The following NLN variants were observed in gnomAD, a reference collection of about 807,000 sequenced individuals.
NLN encodes the protein neurolysin.
Under a neutral mutation model 79.9 loss-of-function variants are expected in NLN, and 64 were observed. That is an observed-to-expected ratio of 0.80 (90% confidence interval 0.65 to 0.99). The LOEUF is 0.99. NLN is among the 50% of genes least tolerant of loss of function. The pLI, the probability that NLN is intolerant of heterozygous loss-of-function variation, is 0.00. For missense variants in NLN, 835 were observed against 858.7 expected, an observed-to-expected ratio of 0.97 and a Z score of 0.34; for synonymous variants, 267 against 296.6, an observed-to-expected ratio of 0.90 and a Z score of 1.02.
intron 1 of NLN, among the ~76,000 whole-genome samples, chr5:65,753,664 A>T (rs1023865010): frequency 1.3e-5 from 2 of 151,958 alleles, no homozygotes; most frequent in African/African-American, 4.8e-5. Context: ...AAAAAAAAAA[A>T]ACCTGAATAT....
intron 3 of NLN, among the ~76,000 whole-genome samples, chr5:65,774,729 A>AT (rs68122704): frequency 2.8e-4 from 38 of 135,602 alleles, no homozygotes; most frequent in East Asian, 6.1e-4. Context: ...ATATATATAT[A>AT]TTTTTTTTTT....
intron 3 of NLN, among the ~76,000 whole-genome samples, chr5:65,765,523 A>T (rs1474668321): frequency 6.6e-6 from 1 of 152,058 alleles, no homozygotes; most frequent in Non-Finnish European, 1.5e-5. Flanking sequence ...CATCTCAAAA[A>T]AATAAAAAAT....
rs1760840435 is a variant in NLN, at chr5:65,823,261, T to C, written c.*346T>C. On this transcript the variant is annotated 3_prime_UTR_variant, in exon 13 of 13. Transcript: ENST00000380985. ...TTTAAATTGAATCATATATATGATA[T>C]AATTTGATCCTTCTTGTATCTTGAA... The C allele has an allele frequency of 1.2e-5, 2 of 173,688 alleles. No individual in the cohort carries two copies. The highest frequency in any genetic ancestry group is 2.9e-4 in the South Asian group (2 of 6,822). The allele number at this position is 173,688 out of a possible 1,614,324, so 10.8% of individuals were successfully genotyped here.
intron 9 of NLN, among the ~76,000 whole-genome samples, chr5:65,802,889 C>A (rs1760320265): frequency 6.6e-6 from 1 of 152,122 alleles, no homozygotes; most frequent in African/African-American, 2.4e-5. Flanking sequence ...CTCTCCGCAG[C>A]TGGTTTGTCC....
chr5:65,790,130 C>A (rs146548508), intron 8 of NLN, among the ~76,000 whole-genome samples: 143 of 152,304 alleles, frequency 9.4e-4, no homozygotes, highest in African/African-American at 3.3e-3. Context: ...TCTTTCTCCC[C>A]AGGCTACTTT....
At chr5:65,733,307 T>A in intron 1 of NLN, 1 of 1,514,652 alleles carries the variant, frequency 6.6e-7, no homozygotes. Flanking sequence ...TAAAGGACTG[T>A]CAGATCCAGG....
At chr5:65,744,984 T>G (rs1452822723) in intron 1 of NLN, among the ~76,000 whole-genome samples, 1 of 152,254 alleles carries the variant, frequency 6.6e-6, no homozygotes, top group Admixed American at 6.5e-5. Flanking sequence ...GGGAGTACAC[T>G]GTTTCCAAGT....
At chr5:65,784,211 T>G (rs1483890153) in intron 6 of NLN, among the ~76,000 whole-genome samples, 1 of 152,166 alleles carries the variant, frequency 6.6e-6, no homozygotes, top group Non-Finnish European at 1.5e-5. Context: ...CAGTTTTTTC[T>G]TTTACTTTAA....
intron 1 of NLN, among the ~76,000 whole-genome samples, chr5:65,731,334 A>G (rs181063080): frequency 1.9e-3 from 287 of 152,368 alleles, no homozygotes; most frequent in African/African-American, 6.2e-3. Context: ...CTATCTCTTG[A>G]TGGGTAGAAC....
intron 9 of NLN, among the ~76,000 whole-genome samples, chr5:65,795,353 A>T (rs1760153506): frequency 6.6e-6 from 1 of 151,972 alleles, no homozygotes; most frequent in Non-Finnish European, 1.5e-5. Flanking sequence ...GTGCCATTGC[A>T]CTCCAGCCTG....
chr5:65,787,116 T>C (rs1759941867), intron 7 of NLN, among the ~76,000 whole-genome samples: 1 of 152,100 alleles, frequency 6.6e-6, no homozygotes, highest in Non-Finnish European at 1.5e-5. Context: ...AATTTGAGAT[T>C]GGCATATTCC....
In NLN at chr5:65,758,734, A is replaced by G; in HGVS notation, c.209A>G (p.Gln70Arg). The G allele has an allele frequency of 1.3e-5, 21 of 1,613,562 alleles. No individual in the cohort carries two copies. Among genetic ancestry groups the G allele is most frequent in the Non-Finnish European group, 1.8e-5 (21 of 1,179,540 alleles). The change falls in exon 2 of 13, where the codon CAG (glutamine) becomes CGG (arginine). Residue 70 changes from glutamine (Q) to arginine (R), a missense_variant. Physicochemically the swap from Gln to Arg is conservative, Grantham distance 43. Coordinates refer to ENST00000380985, the MANE Select transcript of NLN (RefSeq NM_020726.5). The part of the protein sequence containing the change: ...RTEELIVQTK[Q>R]VYDAVGMLGI... ...GAGGAGCTCATTGTGCAGACCAAAC[A>G]GGTGTACGATGCTGTTGGAATGCTC...
At chr5:65,742,943 A>G (rs955837141) in intron 1 of NLN, among the ~76,000 whole-genome samples, 1 of 152,162 alleles carries the variant, frequency 6.6e-6, no homozygotes, top group Non-Finnish European at 1.5e-5. Context: ...TTTAGGACAG[A>G]CTAATTTAGA....
intron 3 of NLN, among the ~76,000 whole-genome samples, chr5:65,767,476 G>A (rs192730595): frequency 3.3e-5 from 5 of 152,172 alleles, no homozygotes; most frequent in Admixed American, 1.3e-4. Context: ...GGGGAAGGAG[G>A]GGGGAGCACA....
chr5:65,746,136 G>A (rs1758973548), intron 1 of NLN, among the ~76,000 whole-genome samples: 1 of 152,064 alleles, frequency 6.6e-6, no homozygotes, highest in Admixed American at 6.6e-5. Context: ...AATGGAACAG[G>A]CATGGTGTGC....
chr5:65,725,014 C>G (rs1275437641), intron 1 of NLN, among the ~76,000 whole-genome samples: 1 of 151,864 alleles, frequency 6.6e-6, no homozygotes, highest in Non-Finnish European at 1.5e-5. Context: ...ATCCTGTTAG[C>G]CAGGATGGTC....
rs1265936397 is a variant in NLN at position 65,769,469 on chromosome 5, T to A, written c.450+6361T>A. ...GATACCCCATTCTCTGTAATGTGAT[T>A]ATTACATATTGCTTGCCTGTCTCAA... is the stretch of plus-strand genomic sequence containing the variant. On this transcript the variant is annotated intron_variant, in intron 3 of 12. Coordinates refer to ENST00000380985, the MANE Select transcript of NLN (RefSeq NM_020726.5). Among the ~76,000 whole-genome samples the A allele has an allele frequency of 2.0e-5, 3 of 152,348 alleles. No individual in the cohort carries two copies. The East Asian group carries it at 5.8e-4, about 29-fold the overall frequency.
At chr5:65,762,351 A>C (rs1175419730) in intron 2 of NLN, among the ~76,000 whole-genome samples, 2 of 152,132 alleles carry the variant, frequency 1.3e-5, no homozygotes, top group Non-Finnish European at 1.5e-5. Flanking sequence ...GCCTCAGTAT[A>C]GGAACTGTGT....
At chr5:65,802,062 T>C (rs1462609352) in intron 9 of NLN, among the ~76,000 whole-genome samples, 1 of 152,214 alleles carries the variant, frequency 6.6e-6, no homozygotes, top group Non-Finnish European at 1.5e-5. Flanking sequence ...AATTGTGCAG[T>C]AGTGTCACGG....
Sources: allele counts gnomAD v4.1 joint callset (sites outside exome capture counted in the v4.1 genomes callset), GRCh38; gene constraint gnomAD v4.1.1; transcripts MANE v1.5; gene names NCBI Gene and HGNC (gene_info 2026-07-23, HGNC 2026-07-21).